Variants in WNK2 observed in about 807,000 individuals in gnomAD.
The protein encoded by WNK2 is WNK lysine deficient protein kinase 2.
WNK2 carries 67 observed loss-of-function variants against 192.1 expected under a neutral mutation model. The observed-to-expected ratio is 0.35, with a 90% CI of 0.29 to 0.43. The LOEUF is 0.43. WNK2 is among the 20% of genes least tolerant of loss of function. The probability of loss-of-function intolerance (pLI) is 1.00; values close to 1 mark genes in which losing one functional copy is unlikely to be tolerated. For missense variants in WNK2, 2,698 were observed against 3,089.7 expected (o/e 0.87, Z 3.01); for synonymous variants, 1,439 against 1,393.9 (o/e 1.03, Z -0.72).
chr9:93,185,089 CCGCCGGGCTTGGAGGCAGCCGAGG>C lies in WNK2; in HGVS notation c.169_192del (p.Leu57_Gly64del). On this transcript the variant is annotated inframe_deletion, in exon 2 of 30. Transcript: ENST00000427277. ...CGTGGTAGAGTCGGACCAGGAGGAG[CCGCCGGGCTTGGAGGCAGCCGAGG>C]CGCCGGGCCCGCAGCCCCCGCAGCC... 2.3e-6 allele frequency: 3 copies of C among 1,315,332 alleles called. No individual in the cohort carries two copies. Among genetic ancestry groups the C allele is most frequent in the South Asian group, 1.9e-5 (1 of 51,680 alleles). 81.5% of individuals were successfully genotyped at this position (1,315,332 alleles called of 1,614,324 possible).
At position 93,222,455 on chromosome 9, in the gene WNK2, G is replaced by T. The variant is rs150158258; in HGVS notation, c.682-7241G>T. ...TAAACTTCTTGGAGCCCTTGACAAAGAAGACTGAATGTGGGAAGAGTCCAG... is the reference window on the plus strand; with the variant it reads ...TAAACTTCTTGGAGCCCTTGACAAATAAGACTGAATGTGGGAAGAGTCCAG... On this transcript the variant is annotated intron_variant, in intron 2 of 29. Coordinates refer to ENST00000427277, the MANE Select transcript of WNK2 (RefSeq NM_006648.4). Among the ~76,000 whole-genome samples, 562 of 152,316 alleles carry T rather than the reference G, an allele frequency of 3.7e-3. 3 individuals carry two copies. Among genetic ancestry groups the T allele is most frequent in the African/African-American group, 0.013 (546 of 41,576 alleles).
intron 2 of WNK2, among the ~76,000 whole-genome samples, chr9:93,228,226 A>G (rs2131971516): frequency 6.6e-6 from 1 of 152,212 alleles, no homozygotes; most frequent in East Asian, 1.9e-4. Context: ...TGGCGGGTTG[A>G]TGGAGGAAGA....
At chr9:93,249,342 A>T (rs1842209053) in intron 8 of WNK2, among the ~76,000 whole-genome samples, 2 of 152,254 alleles carry the variant, frequency 1.3e-5, no homozygotes, top group Admixed American at 6.5e-5. Context: ...GGAAAATCAG[A>T]TGGAGACATC....
At chr9:93,209,114 A>G (rs935084705) in intron 2 of WNK2, among the ~76,000 whole-genome samples, 1 of 151,814 alleles carries the variant, frequency 6.6e-6, no homozygotes, top group South Asian at 2.1e-4. Context: ...GATTTCCTGG[A>G]AAAAAAACAG....
chr9:93,293,680 A>T (rs967786340), intron 23 of WNK2, among the ~76,000 whole-genome samples: 6 of 151,156 alleles, frequency 4.0e-5, no homozygotes, highest in African/African-American at 1.5e-4. Flanking sequence ...GCCGGCCCCC[A>T]CCCTGCTGTC....
In WNK2 at chr9:93,187,446, A is replaced by G. The variant is rs369749107; in HGVS notation, c.681+1836A>G. Reference sequence around the variant, plus strand: ...TGCCCCAAACTTGTGGTTTCCCTGCATCTCCCCCAAAAGAAGTACCTCCAA... The same window carrying G: ...TGCCCCAAACTTGTGGTTTCCCTGCGTCTCCCCCAAAAGAAGTACCTCCAA... On this transcript the variant is annotated intron_variant, in intron 2 of 29. Transcript: ENST00000427277. Among the ~76,000 whole-genome samples, 5 of 152,184 alleles carry G rather than the reference A, an allele frequency of 3.3e-5. No individual in the cohort carries two copies. In the East Asian group the frequency reaches 5.8e-4, roughly 18 times the overall value.
At chr9:93,193,570 G>C (rs745643287) in intron 2 of WNK2, among the ~76,000 whole-genome samples, 6 of 152,230 alleles carry the variant, frequency 3.9e-5, no homozygotes, top group Non-Finnish European at 7.3e-5. Flanking sequence ...ATAAGGAAAA[G>C]GGTGTGAACG....
chr9:93,292,473 C>G lies in WNK2; in HGVS notation c.5026-18C>G. 3.7e-6 allele frequency: 6 copies of G among 1,608,924 alleles called. No homozygotes were observed. The highest frequency in any genetic ancestry group is 5.1e-6 in the Non-Finnish European group (6 of 1,176,504). On this transcript the variant is annotated intron_variant, in intron 22 of 29. Transcript: ENST00000427277. The stretch of plus-strand genomic sequence containing the variant: ...TGATGTTCACATGAAACCTCTTCAT[C>G]TCCGCTTGTTTCCCAAGGATGTACC...
At chr9:93,301,015 C>T (rs1387129478) in intron 26 of WNK2, among the ~76,000 whole-genome samples, 12 of 152,200 alleles carry the variant, frequency 7.9e-5, no homozygotes, top group African/African-American at 2.7e-4. Context: ...AAGTCAATGA[C>T]GCAGTTCCTC....
chr9:93,318,653 C>T (rs1855145269), intron 29 of WNK2: 5 of 1,545,580 alleles, frequency 3.2e-6, no homozygotes, highest in Admixed American at 1.9e-5. Flanking sequence ...TGCCCTCTCT[C>T]CTGCCCACTT....
intron 2 of WNK2, among the ~76,000 whole-genome samples, chr9:93,227,315 A>G (rs4285538): frequency 0.68 from 103,207 of 151,768 alleles, 35,180 homozygotes; most frequent in Admixed American, 0.7. Flanking sequence ...GGGTTTCACC[A>G]TGTTAGCCAG....
chr9:93,319,223 A>G (rs753321777), intron 29 of WNK2: 1 of 1,609,054 alleles, frequency 6.2e-7, no homozygotes, highest in Non-Finnish European at 8.5e-7. Flanking sequence ...GTGAAACAAC[A>G]TCTTTTTCTT....
intron 29 of WNK2, chr9:93,319,339 G>A: frequency 1.4e-6 from 2 of 1,393,552 alleles, no homozygotes; most frequent in Non-Finnish European, 1.9e-6. Flanking sequence ...GGAGGGTGCT[G>A]AGGGGCTGCG....
intron 19 of WNK2, among the ~76,000 whole-genome samples, chr9:93,270,462 C>T (rs1008964355): frequency 2.4e-4 from 37 of 152,206 alleles, no homozygotes; most frequent in Admixed American, 2.2e-3. Context: ...ATGTGTGACA[C>T]AGCTGTCTGA....
intron 12 of WNK2, among the ~76,000 whole-genome samples, chr9:93,260,495 G>A (rs1379228771): frequency 6.6e-6 from 1 of 152,148 alleles, no homozygotes; most frequent in African/African-American, 2.4e-5. Flanking sequence ...TTGAGCCTCA[G>A]CCTCCGCAGG....
At chr9:93,265,889 G>A (rs55692827) in intron 16 of WNK2, among the ~76,000 whole-genome samples, 4,871 of 152,308 alleles carry the variant, frequency 0.032, 128 homozygotes, top group East Asian at 0.099. Context: ...GTCCTGCACA[G>A]TAAGCAATGG....
chr9:93,216,741 C>A (rs140049037), intron 2 of WNK2, among the ~76,000 whole-genome samples: 5 of 150,268 alleles, frequency 3.3e-5, no homozygotes, highest in African/African-American at 1.2e-4. Context: ...TTGCAGTAAA[C>A]CAAGATCGCA....
intron 19 of WNK2, among the ~76,000 whole-genome samples, chr9:93,273,405 C>T (rs1346558785): frequency 6.6e-6 from 1 of 152,228 alleles, no homozygotes; most frequent in Non-Finnish European, 1.5e-5. Flanking sequence ...CCACCCGCCT[C>T]GGCCTCCCAA....
At chr9:93,225,337 A>G (rs1233909033) in intron 2 of WNK2, among the ~76,000 whole-genome samples, 1 of 152,210 alleles carries the variant, frequency 6.6e-6, no homozygotes, top group Non-Finnish European at 1.5e-5. Flanking sequence ...TTGAGGCTGC[A>G]GTGAGCTATG....
Sources: gnomAD v4.1 joint callset for allele counts (sites outside exome capture counted in the v4.1 genomes callset) on GRCh38, gnomAD v4.1.1 for gene constraint, MANE v1.5 for transcripts, NCBI Gene and HGNC (gene_info 2026-07-23, HGNC 2026-07-21) for gene names.